VEGFC: variants seen among roughly 807,000 people sequenced by gnomAD.
VEGFC encodes FLT4 ligand DHM.
In VEGFC, 12 loss-of-function variants were observed where a neutral mutation model predicts 46.1. The observed-to-expected ratio is 0.26, with a 90% CI of 0.17 to 0.42. The LOEUF (loss-of-function observed/expected upper bound fraction) is 0.42. Ranked by LOEUF, VEGFC falls within the 10% of genes least tolerant of loss-of-function variation. The probability of loss-of-function intolerance (pLI) is 1.00; values close to 1 mark genes in which losing one functional copy is unlikely to be tolerated. For synonymous variants in VEGFC, 232 were observed against 195.5 expected (o/e 1.19, Z -1.56); for missense variants, 488 against 529.4 (o/e 0.92, Z 0.77).
At chr4:176,769,511 A>G (rs966246527) in intron 1 of VEGFC, among the ~76,000 whole-genome samples, 7 of 152,182 alleles carry the variant, frequency 4.6e-5, no homozygotes, top group Non-Finnish European at 1.0e-4. Context: ...TTTAATAAAT[A>G]TGTAATTAGC....
At position 176,729,652 on chromosome 4, in the gene VEGFC, T is replaced by C; in HGVS notation, c.242A>G (p.Tyr81Cys). 6.2e-7 allele frequency: 1 copy of C among 1,613,896 alleles called. No individual in the cohort carries two copies. The highest frequency in any genetic ancestry group is 8.5e-7 in the Non-Finnish European group (1 of 1,179,888). The change falls in exon 2 of 7, where the codon TAC becomes TGC. Residue 81 changes from tyrosine (Y) to cysteine (C), a missense_variant. Tyr to Cys is a radical substitution (Grantham distance 194). Transcript: ENST00000618562. ...TVLYPEYWKM[Y>C]KCQLRKGGWQ... ...GCCTCCTTTCCTTAGCTGACACTTG[T>C]ACATTTTCCAATATTCTGGGTAGAG...
intron 3 of VEGFC, among the ~76,000 whole-genome samples, chr4:176,717,381 C>T (rs1433790476): frequency 2.6e-5 from 4 of 152,114 alleles, no homozygotes; most frequent in African/African-American, 9.7e-5. Context: ...AATCTACTGG[C>T]ATTCTTTAAT....
At chr4:176,699,140 C>A (rs980713159) in intron 4 of VEGFC, among the ~76,000 whole-genome samples, 3 of 152,166 alleles carry the variant, frequency 2.0e-5, no homozygotes, top group African/African-American at 7.2e-5. Context: ...CACAACAACA[C>A]AACAAATAAA....
intron 1 of VEGFC, among the ~76,000 whole-genome samples, chr4:176,755,913 GATTT>G (rs1446626610): frequency 7.2e-5 from 11 of 151,936 alleles, no homozygotes; most frequent in Non-Finnish European, 1.3e-4. Flanking sequence ...TTACAGTAAT[GATTT>G]ATTATATGAA....
At chr4:176,728,250 A>G (rs920779456) in intron 2 of VEGFC, among the ~76,000 whole-genome samples, 2 of 152,122 alleles carry the variant, frequency 1.3e-5, no homozygotes, top group African/African-American at 4.8e-5. Flanking sequence ...CCACAACACT[A>G]ATGTTTGGTT....
intron 4 of VEGFC, among the ~76,000 whole-genome samples, chr4:176,709,208 A>T (rs1204870509): frequency 6.6e-6 from 1 of 152,206 alleles, no homozygotes; most frequent in Non-Finnish European, 1.5e-5. Context: ...ACAGCTTTGG[A>T]GTGTGATTTC....
chr4:176,744,859 G>A (rs1481236745), intron 1 of VEGFC, among the ~76,000 whole-genome samples: 2 of 151,988 alleles, frequency 1.3e-5, no homozygotes, highest in African/African-American at 4.8e-5. Context: ...AAGCCCATAT[G>A]CTTATGATTT....
intron 4 of VEGFC, among the ~76,000 whole-genome samples, chr4:176,697,806 T>TA (rs1226344105): frequency 2.9e-5 from 4 of 140,210 alleles, no homozygotes; most frequent in Non-Finnish European, 6.2e-5. Context: ...TATGCAGCCA[T>TA]AAAAAATGAT....
rs1734369073 is a variant in VEGFC, at chr4:176,698,673, C to T, written c.705-10746G>A. ...ATACGTTAGGTCTCCAGAGCATATT[C>T]ACCTTGTAACTGCAAGTTGTCACAC... On this transcript the variant is annotated intron_variant, in intron 4 of 6. Coordinates refer to ENST00000618562, the MANE Select transcript of VEGFC (RefSeq NM_005429.5). Among the ~76,000 whole-genome samples the T allele has an allele frequency of 2.6e-5, 4 of 152,034 alleles. No individual in the cohort carries two copies. In the South Asian group the frequency reaches 8.3e-4, roughly 32 times the overall value.
At chr4:176,689,166 C>T (rs745554784) in intron 4 of VEGFC, 3 of 152,088 alleles carry the variant, frequency 2.0e-5, no homozygotes, top group Non-Finnish European at 2.9e-5. Context: ...TTGTAAACAA[C>T]TTTATGTGCT....
At chr4:176,715,450 A>G (rs1013625001) in intron 3 of VEGFC, among the ~76,000 whole-genome samples, 2 of 152,136 alleles carry the variant, frequency 1.3e-5, no homozygotes, top group Non-Finnish European at 2.9e-5. Flanking sequence ...AATTAGTAAT[A>G]TCTACTGGGA....
At position 176,683,992 on chromosome 4, in the gene VEGFC, T is replaced by C. The variant is rs773133238; in HGVS notation, c.1194A>G (p.Gly398=). Residue 398 remains glycine (G), a synonymous_variant, in exon 7 of 7, where the codon GGA becomes GGG. Transcript: ENST00000618562. ...CTNRQKACEP[G]FSYSEEVCRC... ...GACACACTTCTTCACTATATGAAAA[T>C]CCTGGCTCACAAGCCTTCTGGCGGT... 6.2e-7 allele frequency: 1 copy of C among 1,614,236 alleles called. No homozygotes were observed. Among genetic ancestry groups the C allele is most frequent in the Admixed American group, 1.7e-5 (1 of 60,032 alleles).
intron 3 of VEGFC, 47 bp from the exon 4 acceptor site, chr4:176,711,697 A>G (rs1364702816): frequency 2.5e-6 from 4 of 1,595,848 alleles, no homozygotes; most frequent in Non-Finnish European, 3.4e-6. Context: ...AGATGCTGTA[A>G]AGCACTTTTA....
At position 176,717,645 on chromosome 4, in the gene VEGFC, A is replaced by G. The variant is rs185094184; in HGVS notation, c.553-5995T>C. Among the ~76,000 whole-genome samples the G allele has an allele frequency of 3.3e-5, 5 of 152,198 alleles. No individual in the cohort carries two copies. In the East Asian group the frequency reaches 9.6e-4, roughly 29 times the overall value. On this transcript the variant is annotated intron_variant, in intron 3 of 6. Transcript: ENST00000618562. ...ATGACACAAAAAATGCCTTCCTTTAAAACACCATTATATCCTAAATATAAC... is the reference window on the plus strand; with the variant it reads ...ATGACACAAAAAATGCCTTCCTTTAGAACACCATTATATCCTAAATATAAC...
chr4:176,774,361 ATAGAG>A (rs1358219511), intron 1 of VEGFC, among the ~76,000 whole-genome samples: 2 of 148,150 alleles, frequency 1.3e-5, no homozygotes, highest in Non-Finnish European at 2.9e-5. Context: ...TTTAAATAAA[ATAGAG>A]AAGAATATGT....
At chr4:176,744,769 G>A (rs1028224912) in intron 1 of VEGFC, among the ~76,000 whole-genome samples, 4 of 151,872 alleles carry the variant, frequency 2.6e-5, no homozygotes, top group African/African-American at 9.7e-5. Context: ...TTTTATAAAT[G>A]AAGAAGCTGA....
intron 4 of VEGFC, among the ~76,000 whole-genome samples, chr4:176,691,710 A>C (rs568424669): frequency 1.3e-5 from 2 of 152,348 alleles, no homozygotes; most frequent in Admixed American, 6.5e-5. Flanking sequence ...CTCCTTTGAA[A>C]TATTAAAAGA....
chr4:176,722,488 GT>G (rs138526102), intron 3 of VEGFC, among the ~76,000 whole-genome samples: 1 of 134,980 alleles, frequency 7.4e-6, no homozygotes, highest in African/African-American at 3.1e-5. Flanking sequence ...TTTTTCTTTT[GT>G]TTTTTTTTTG....
At chr4:176,739,618 C>T (rs1032656656) in intron 1 of VEGFC, among the ~76,000 whole-genome samples, 11 of 151,694 alleles carry the variant, frequency 7.3e-5, no homozygotes, top group South Asian at 4.2e-4. Context: ...GGGTAGGGAA[C>T]GCATCGGAAG....
Sources: gnomAD v4.1 joint callset for allele counts (sites outside exome capture counted in the v4.1 genomes callset) on GRCh38, gnomAD v4.1.1 for gene constraint, MANE v1.5 for transcripts, NCBI Gene and HGNC (gene_info 2026-07-23, HGNC 2026-07-21) for gene names.